Variants in GRM7 observed in about 807,000 individuals in gnomAD.
The protein encoded by GRM7 is glutamate metabotropic receptor 7.
A neutral mutation model predicts 84.5 loss-of-function variants in GRM7; 35 were observed. The ratio of observed to expected loss-of-function variants is 0.41; its 90% CI spans 0.32 to 0.55. The LOEUF (loss-of-function observed/expected upper bound fraction) is 0.55. GRM7 is among the 20% of genes least tolerant of loss of function. The pLI is 0.19. For synonymous variants in GRM7, 487 were observed against 455.1 expected, an observed-to-expected ratio of 1.07 and a Z score of -0.89; for missense variants, 1,003 against 1,194.6, an observed-to-expected ratio of 0.84 and a Z score of 2.36.
chr3:7,539,674 CAAAA>C (rs57039269), intron 7 of GRM7, among the ~76,000 whole-genome samples: 41 of 87,100 alleles, frequency 4.7e-4, no homozygotes, highest in African/African-American at 1.5e-3. Context: ...GACTCTGTCT[CAAAA>C]AAAAAAAAAA....
intron 4 of GRM7, among the ~76,000 whole-genome samples, chr3:7,370,629 A>G (rs963753339): frequency 6.6e-6 from 1 of 152,160 alleles, no homozygotes; most frequent in African/African-American, 2.4e-5. Context: ...GGAAATGGAT[A>G]AAGATGTCTC....
intron 9 of GRM7, among the ~76,000 whole-genome samples, chr3:7,709,292 G>T (rs142878666): frequency 6.6e-6 from 1 of 152,266 alleles, no homozygotes; most frequent in East Asian, 1.9e-4. Flanking sequence ...GTGTATGCAT[G>T]CATGTATTTC....
chr3:7,737,877 C>T (rs1311795488), intron 9 of GRM7, among the ~76,000 whole-genome samples: 11 of 129,954 alleles, frequency 8.5e-5, no homozygotes, highest in Admixed American at 4.2e-4. Context: ...CACAAAGTTT[C>T]GCTCTTGTTG....
intron 8 of GRM7, among the ~76,000 whole-genome samples, chr3:7,658,002 C>A (rs1331909070): frequency 6.6e-6 from 1 of 152,132 alleles, no homozygotes; most frequent in East Asian, 1.9e-4. Context: ...TCACTAAAGA[C>A]CATAACCATA....
intron 9 of GRM7, among the ~76,000 whole-genome samples, chr3:7,694,743 C>CTGT (rs376873532): frequency 6.6e-6 from 1 of 152,112 alleles, no homozygotes; most frequent in South Asian, 2.1e-4. Context: ...AAATTAGTAC[C>CTGT]TGTTAGTACT....
chr3:7,326,705 G>C (rs1490617105), intron 4 of GRM7, among the ~76,000 whole-genome samples: 1 of 151,828 alleles, frequency 6.6e-6, no homozygotes, highest in East Asian at 1.9e-4. Context: ...AAATTAGCCA[G>C]GTGTGGTGGC....
At chr3:7,721,669 G>C (rs1262068923) in intron 9 of GRM7, among the ~76,000 whole-genome samples, 1 of 152,172 alleles carries the variant, frequency 6.6e-6, no homozygotes, top group Non-Finnish European at 1.5e-5. Flanking sequence ...CTCATTTATA[G>C]TCTCCAGTGA....
intron 2 of GRM7, among the ~76,000 whole-genome samples, chr3:7,229,757 A>T (rs926032835): frequency 0.083 from 2,209 of 26,672 alleles, 154 homozygotes; most frequent in African/African-American, 0.12. Context: ...ATATATATAT[A>T]TATTTTTTTT....
intron 1 of GRM7, among the ~76,000 whole-genome samples, chr3:7,134,036 TA>T (rs1693690538): frequency 6.6e-6 from 1 of 152,152 alleles, no homozygotes; most frequent in African/African-American, 2.4e-5. Flanking sequence ...CTCCCATACT[TA>T]TAACTAAGAT....
At chr3:6,961,574 T>C (rs972413946) in intron 1 of GRM7, among the ~76,000 whole-genome samples, 1 of 152,142 alleles carries the variant, frequency 6.6e-6, no homozygotes, top group African/African-American at 2.4e-5. Flanking sequence ...TCGCACTTTC[T>C]CCTCTCCACT....
intron 2 of GRM7, among the ~76,000 whole-genome samples, chr3:7,293,003 C>A (rs1699688184): frequency 1.5e-5 from 2 of 137,408 alleles, no homozygotes; most frequent in Non-Finnish European, 3.0e-5. Context: ...CATCGCACTG[C>A]AGCCTGGGGG....
chr3:7,728,500 G>T (rs1364744938), intron 9 of GRM7, among the ~76,000 whole-genome samples: 1 of 152,126 alleles, frequency 6.6e-6, no homozygotes, highest in East Asian at 1.9e-4. Context: ...GTACTGGAGT[G>T]ATTACTTCTA....
At chr3:7,729,145 G>A (rs890412371) in intron 9 of GRM7, among the ~76,000 whole-genome samples, 7 of 150,820 alleles carry the variant, frequency 4.6e-5, no homozygotes, top group African/African-American at 9.8e-5. Context: ...TCACCCACAC[G>A]CTGAAATTGA....
At chr3:7,703,040 G>A (rs1019088534) in intron 9 of GRM7, among the ~76,000 whole-genome samples, 4 of 152,056 alleles carry the variant, frequency 2.6e-5, no homozygotes, top group South Asian at 2.1e-4. Context: ...ACATACACCC[G>A]TGCCTGGGAT....
In GRM7 at chr3:7,050,151, T is replaced by C. The variant is rs186276710; in HGVS notation, c.520-96301T>C. On this transcript the variant is annotated intron_variant, in intron 1 of 9. Transcript: ENST00000357716. ...CATGTTCAATGGAATATGTACAAAT[T>C]ACAAATTTGTACAAGCACAAACTAC... 5.1e-4 allele frequency among the ~76,000 whole-genome samples: 78 copies of C among 151,980 alleles called. 1 individual carries two copies. In the East Asian group the frequency reaches 0.015, roughly 29 times the overall value.
chr3:6,941,562 T>A (rs1697895045), intron 1 of GRM7, among the ~76,000 whole-genome samples: 2 of 152,342 alleles, frequency 1.3e-5, no homozygotes, highest in South Asian at 4.1e-4. Context: ...TCGTGTGACT[T>A]AATTCCACTA....
At chr3:6,919,298 A>G (rs1697040984) in intron 1 of GRM7, among the ~76,000 whole-genome samples, 1 of 151,686 alleles carries the variant, frequency 6.6e-6, no homozygotes, top group Admixed American at 6.6e-5. Context: ...TCCTGGGTTC[A>G]AGCGATTCTT....
At chr3:7,485,608 G>T (rs999821427) in intron 7 of GRM7, among the ~76,000 whole-genome samples, 1 of 152,142 alleles carries the variant, frequency 6.6e-6, no homozygotes, top group Admixed American at 6.5e-5. Flanking sequence ...CACACTCAAA[G>T]TCAAGATAAA....
intron 1 of GRM7, among the ~76,000 whole-genome samples, chr3:6,888,691 C>G (rs1448827434): frequency 2.0e-5 from 3 of 152,068 alleles, no homozygotes; most frequent in Non-Finnish European, 4.4e-5. Flanking sequence ...GTTCTTTTGG[C>G]TTAGGATTGA....
Sources: gnomAD v4.1 joint callset for allele counts (sites outside exome capture counted in the v4.1 genomes callset) on GRCh38, gnomAD v4.1.1 for gene constraint, MANE v1.5 for transcripts, NCBI Gene and HGNC (gene_info 2026-07-23, HGNC 2026-07-21) for gene names.